The following GDAP1 variants were observed in gnomAD, a reference collection of about 807,000 sequenced individuals.
GDAP1 encodes the protein ganglioside induced differentiation associated protein 1.
Under a neutral mutation model 40.1 loss-of-function variants are expected in GDAP1, and 34 were observed. The ratio of observed to expected loss-of-function variants is 0.85; its 90% CI spans 0.64 to 1.13. The LOEUF (loss-of-function observed/expected upper bound fraction) is 1.13. Among genes scored for constraint, GDAP1 ranks in the 50% most tolerant of loss-of-function variants. GDAP1 has a pLI of 0.00. For synonymous variants in GDAP1, 170 were observed against 157.4 expected, an observed-to-expected ratio of 1.08 and a Z score of -0.60; for missense variants, 374 against 433.7, an observed-to-expected ratio of 0.86 and a Z score of 1.22.
At chr8:74,352,824 G>T (rs1182247212) in intron 2 of GDAP1, among the ~76,000 whole-genome samples, 1 of 152,044 alleles carries the variant, frequency 6.6e-6, no homozygotes, top group Non-Finnish European at 1.5e-5. Flanking sequence ...TTTCTTGGGG[G>T]ATGTAATTAT....
intron 2 of GDAP1, among the ~76,000 whole-genome samples, chr8:74,381,269 A>C (rs1044270308): frequency 6.6e-6 from 1 of 152,184 alleles, no homozygotes; most frequent in Non-Finnish European, 1.5e-5. Flanking sequence ...ACATGAATAA[A>C]GATGTTCATG....
At chr8:74,461,804 G>A (rs991354241) in intron 2 of GDAP1, among the ~76,000 whole-genome samples, 3 of 152,146 alleles carry the variant, frequency 2.0e-5, no homozygotes, top group Non-Finnish European at 4.4e-5. Flanking sequence ...ACTCAGTTCA[G>A]TTTCACTTGT....
chr8:74,398,135 A>C (rs1004844457), intron 2 of GDAP1, among the ~76,000 whole-genome samples: 46 of 152,012 alleles, frequency 3.0e-4, no homozygotes, highest in African/African-American at 1.1e-3. Flanking sequence ...ATGGGAGTTC[A>C]CTCATGATTT....
At chr8:74,350,748 G>C (rs1272307673) in intron 1 of GDAP1, among the ~76,000 whole-genome samples, 170 bp downstream of exon 1, 3 of 152,354 alleles carry the variant, frequency 2.0e-5, no homozygotes, top group Non-Finnish European at 4.4e-5. Flanking sequence ...GGGGAGCGGG[G>C]AGAATCGATC....
At chr8:74,393,321 T>C (rs1246938827) in intron 2 of GDAP1, among the ~76,000 whole-genome samples, 1 of 152,226 alleles carries the variant, frequency 6.6e-6, no homozygotes, top group Non-Finnish European at 1.5e-5. Context: ...CACCTCCTAA[T>C]TACTGGCTTT....
At chr8:74,401,619 G>A (rs1810342280) in intron 2 of GDAP1, among the ~76,000 whole-genome samples, 1 of 143,032 alleles carries the variant, frequency 7.0e-6, no homozygotes, top group South Asian at 2.2e-4. Flanking sequence ...TTTGGAGGAG[G>A]AGAGGCGCTC....
At chr8:74,361,448 G>T (rs577973628) in intron 3 of GDAP1, among the ~76,000 whole-genome samples, 1 of 151,266 alleles carries the variant, frequency 6.6e-6, no homozygotes, top group African/African-American at 2.4e-5. Flanking sequence ...CCATGCTGGC[G>T]TGCAGTGGCA....
intron 2 of GDAP1, among the ~76,000 whole-genome samples, chr8:74,404,037 T>C (rs1422944605): frequency 6.7e-6 from 1 of 150,102 alleles, no homozygotes; most frequent in Non-Finnish European, 1.5e-5. Context: ...GAAATCTCTA[T>C]GATAATAAAA....
chr8:74,397,028 A>G (rs1356230441), intron 2 of GDAP1, among the ~76,000 whole-genome samples: 6 of 152,058 alleles, frequency 3.9e-5, no homozygotes, highest in South Asian at 2.1e-4. Flanking sequence ...ATGTTTCCTG[A>G]CTTTTTAATG....
At chr8:74,372,218 G>A (rs1042183368) in intron 2 of GDAP1, among the ~76,000 whole-genome samples, 7 of 152,044 alleles carry the variant, frequency 4.6e-5, no homozygotes, top group African/African-American at 7.2e-5. Context: ...GAATAGTGCC[G>A]CAATAAACAT....
chr8:74,395,709 C>G (rs891547791), intron 2 of GDAP1, among the ~76,000 whole-genome samples: 1 of 152,130 alleles, frequency 6.6e-6, no homozygotes, highest in Non-Finnish European at 1.5e-5. Context: ...CATCTTCAGT[C>G]AAATCTAAAT....
chr8:74,365,429 T>C lies in GDAP1; in HGVS notation c.*1062T>C, dbSNP rs1809578680. On this transcript the variant is annotated 3_prime_UTR_variant, in exon 6 of 6. Transcript: ENST00000220822. ...GATTTGGGGGGGATACCTCAGTTCA[T>C]GTGGAAGGGACAGTCTCGGTGTGTC... The C allele has an allele frequency of 2.2e-6, 1 of 453,768 alleles. No homozygotes were observed. The highest frequency in any genetic ancestry group is 1.6e-5 in the South Asian group (1 of 64,452). 28.1% of individuals were successfully genotyped at this position (453,768 alleles called of 1,614,324 possible).
chr8:74,362,754 T>TATTTCCCTTC (rs570557276), intron 4 of GDAP1, among the ~76,000 whole-genome samples, 185 bp from the exon 5 acceptor site: 92 of 149,298 alleles, frequency 6.2e-4, no homozygotes, highest in African/African-American at 2.2e-3. Context: ...ACAGCTGGGA[T>TATTTCCCTTC]ATTTCCCTTC....
intron 2 of GDAP1, among the ~76,000 whole-genome samples, chr8:74,396,446 G>T (rs1810200672): frequency 6.6e-6 from 1 of 151,724 alleles, no homozygotes; most frequent in South Asian, 2.1e-4. Context: ...ATGCTGGTGT[G>T]CTGCACCCAT....
intron 2 of GDAP1, among the ~76,000 whole-genome samples, chr8:74,417,757 C>CAAAAAAA (rs71269993): frequency 1.3e-5 from 1 of 75,892 alleles, no homozygotes; most frequent in Non-Finnish European, 2.4e-5. Context: ...AACTCCATCT[C>CAAAAAAA]AAAAAAAAAA....
Position 74,382,676 on chromosome 8 carries a change from TA to T in GDAP1, c.165+31356del, listed in dbSNP as rs761394220. Among the ~76,000 whole-genome samples the T allele has an allele frequency of 8.5e-5, 13 of 152,272 alleles. No homozygotes were observed. The East Asian group carries it at 2.5e-3, about 29-fold the overall frequency. On this transcript the variant is annotated intron_variant, in intron 2 of 2. Coordinates refer to the GDAP1 transcript ENST00000523640. ...ATGACTTAGATCTTAAAATAGTATC[TA>T]GAAAAATAATTAATGAAAAACAAAT...
chr8:74,377,166 G>A (rs1267893213), intron 2 of GDAP1, among the ~76,000 whole-genome samples: 3 of 152,030 alleles, frequency 2.0e-5, no homozygotes. Flanking sequence ...AAAGGACACA[G>A]AAAAGTATTC....
intron 2 of GDAP1, among the ~76,000 whole-genome samples, chr8:74,429,723 G>A (rs1188294543): frequency 6.6e-6 from 1 of 152,120 alleles, no homozygotes; most frequent in Non-Finnish European, 1.5e-5. Context: ...TACAAATACA[G>A]TCATACTTTG....
intron 2 of GDAP1, among the ~76,000 whole-genome samples, chr8:74,398,012 T>C (rs932619096): frequency 6.6e-6 from 1 of 151,780 alleles, no homozygotes; most frequent in African/African-American, 2.4e-5. Flanking sequence ...TCCATTTGTT[T>C]GTATCCTCTT....
Sources: allele counts gnomAD v4.1 joint callset (sites outside exome capture counted in the v4.1 genomes callset), GRCh38; gene constraint gnomAD v4.1.1; transcripts MANE v1.5; gene names NCBI Gene and HGNC (gene_info 2026-07-23, HGNC 2026-07-21).